Variants in ARHGEF10 observed in about 807,000 individuals in gnomAD.
ARHGEF10 encodes the protein Rho guanine nucleotide exchange factor (GEF) 10.
In ARHGEF10, 140 loss-of-function variants were observed where a neutral mutation model predicts 147.4. The observed-to-expected ratio is 0.95, with a 90% CI of 0.83 to 1.09. ARHGEF10 has a LOEUF of 1.09. ARHGEF10 is among the 50% of genes least tolerant of loss of function. The pLI is 0.00. For synonymous variants in ARHGEF10, 902 were observed against 695.8 expected (o/e 1.30, Z -4.67); for missense variants, 2,222 against 1,752.7 (o/e 1.27, Z -4.78).
chr8:1,884,309 T>A (rs906752575), intron 10 of ARHGEF10, among the ~76,000 whole-genome samples: 22 of 150,322 alleles, frequency 1.5e-4, no homozygotes, highest in African/African-American at 5.2e-4. Context: ...GGCAGGAGAA[T>A]GGCGTGAACC....
intron 22 of ARHGEF10, among the ~76,000 whole-genome samples, chr8:1,925,882 A>G (rs1352742600): frequency 6.6e-6 from 1 of 152,220 alleles, no homozygotes; most frequent in Non-Finnish European, 1.5e-5. Context: ...CAGGGCCTTC[A>G]GTGACACTGA....
In ARHGEF10 at chr8:1,958,389, G is replaced by A. The variant is rs1011007826; in HGVS notation, c.*1126G>A. 3.9e-5 allele frequency: 6 copies of A among 152,160 alleles called. No individual in the cohort carries two copies. The highest frequency in any genetic ancestry group is 2.0e-4 in the Admixed American group (3 of 15,274). The allele number at this position is 152,160 out of a possible 1,614,324, so 9.4% of individuals were successfully genotyped here. ...ATGTCAAGGTGCATACTTAGTGAGC[G>A]CCATCCTGCTGAACGTGTATTTCAG... On this transcript the variant is annotated 3_prime_UTR_variant, in exon 29 of 29. Coordinates refer to ENST00000349830, the MANE Select transcript of ARHGEF10 (RefSeq NM_014629.4).
At chr8:1,889,054 C>T (rs1809118291) in intron 11 of ARHGEF10, among the ~76,000 whole-genome samples, 1 of 68,558 alleles carries the variant, frequency 1.5e-5, no homozygotes, top group African/African-American at 7.9e-5. Context: ...GGGTGCGGGT[C>T]ATGAGGAGAC....
At chr8:1,875,313 G>C (rs1807599650) in intron 7 of ARHGEF10, among the ~76,000 whole-genome samples, 2 of 152,024 alleles carry the variant, frequency 1.3e-5, no homozygotes, top group Admixed American at 6.6e-5. Flanking sequence ...ACACTGGGGA[G>C]CGTAGGGGTG....
chr8:1,837,328 A>G (rs1247819410), intron 1 of ARHGEF10, among the ~76,000 whole-genome samples: 1 of 152,232 alleles, frequency 6.6e-6, no homozygotes, highest in Non-Finnish European at 1.5e-5. Flanking sequence ...GGCAGACGCC[A>G]TGGTCGGTGC....
chr8:1,893,839 A>G (rs1809748304), intron 12 of ARHGEF10, among the ~76,000 whole-genome samples, 193 bp downstream of exon 12: 1 of 152,198 alleles, frequency 6.6e-6, no homozygotes, highest in African/African-American at 2.4e-5. Context: ...AAATAAATAT[A>G]ATTTATGTAA....
At chr8:1,828,098 C>T (rs1248741519) in intron 1 of ARHGEF10, among the ~76,000 whole-genome samples, 1 of 152,214 alleles carries the variant, frequency 6.6e-6, no homozygotes, top group African/African-American at 2.4e-5. Context: ...GGTACCTCAA[C>T]ACTCTGCCTC....
At chr8:1,922,877 G>A (rs935927092) in intron 18 of ARHGEF10, 87 bp from the exon 19 acceptor site, 2 of 902,258 alleles carry the variant, frequency 2.2e-6, no homozygotes, top group East Asian at 4.9e-5. Flanking sequence ...AAATTATTTA[G>A]TATTTGAGTC....
At chr8:1,839,059 T>C (rs1386978662) in intron 1 of ARHGEF10, among the ~76,000 whole-genome samples, 2 of 151,740 alleles carry the variant, frequency 1.3e-5, no homozygotes, top group East Asian at 3.9e-4. Flanking sequence ...GTGGAAGCTG[T>C]CCGATATGGG....
At position 1,952,707 on chromosome 8, in the gene ARHGEF10, C is replaced by T. The variant is rs1026198444; in HGVS notation, c.3400C>T (p.His1134Tyr). ...ATPVHNMLPG[H>Y]QRLSVTSLLV... ...GCCACTCATGTCTTTCCGCCCAGGG[C>T]ACCAGCGGCTGTCGGTGACGAGCCT... Residue 1134 changes from histidine to tyrosine, a missense_variant and splice_region_variant, in exon 28 of 29, where the codon CAC (histidine) becomes TAC (tyrosine). Transcript: ENST00000349830. 25 of 1,613,256 alleles carry T rather than the reference C, an allele frequency of 1.5e-5. No homozygotes were observed. Among genetic ancestry groups the T allele is most frequent in the Non-Finnish European group, 2.0e-5 (24 of 1,179,906 alleles).
intron 2 of ARHGEF10, among the ~76,000 whole-genome samples, chr8:1,855,155 T>C (rs1210502759): frequency 1.3e-5 from 2 of 152,204 alleles, no homozygotes; most frequent in Non-Finnish European, 2.9e-5. Flanking sequence ...CCCTTGCAGA[T>C]ATTTGAGAGC....
intron 14 of ARHGEF10, 41 bp downstream of exon 14, chr8:1,896,490 G>C (rs748666834): frequency 1.5e-6 from 2 of 1,361,250 alleles, no homozygotes; most frequent in Non-Finnish European, 2.1e-6. Flanking sequence ...AACACCATCT[G>C]ATAACAAGTT....
chr8:1,935,234 C>A (rs1813485216), intron 26 of ARHGEF10, among the ~76,000 whole-genome samples: 1 of 152,108 alleles, frequency 6.6e-6, no homozygotes, highest in Non-Finnish European at 1.5e-5. Context: ...CCCCATCAGC[C>A]CCGTCCTGGA....
intron 16 of ARHGEF10, among the ~76,000 whole-genome samples, chr8:1,904,595 A>G (rs1340769553): frequency 6.6e-6 from 1 of 152,038 alleles, no homozygotes; most frequent in African/African-American, 2.4e-5. Context: ...TGGCACTTGA[A>G]CCTCCGAATA....
intron 14 of ARHGEF10, 113 bp from the exon 15 acceptor site, chr8:1,898,320 G>C: frequency 2.2e-6 from 2 of 898,348 alleles, no homozygotes; most frequent in Non-Finnish European, 3.6e-6. Flanking sequence ...TGAAGACAAG[G>C]TGCAGGCTTT....
Position 1,896,453 on chromosome 8 carries a change from A to G in ARHGEF10, c.1557+4A>G. The G allele has an allele frequency of 6.2e-7, 1 of 1,604,330 alleles. No homozygotes were observed. The highest frequency in any genetic ancestry group is 8.5e-7 in the Non-Finnish European group (1 of 1,173,474). On this transcript the variant is annotated splice_donor_region_variant and intron_variant, in intron 14 of 28. Transcript: ENST00000349830. ...CGCTTTTCTTGAATTTTTAAAGGTA[A>G]GCGCTTTTTTTTTTCATTTGGGTTT...
At chr8:1,890,866 G>A (rs1233282465) in intron 11 of ARHGEF10, among the ~76,000 whole-genome samples, 3 of 152,108 alleles carry the variant, frequency 2.0e-5, no homozygotes, top group Admixed American at 1.3e-4. Context: ...TGGTGGATTT[G>A]CTCAGCGAAT....
intron 1 of ARHGEF10, among the ~76,000 whole-genome samples, chr8:1,841,054 A>C (rs111885160): frequency 1.3e-5 from 2 of 152,144 alleles, no homozygotes; most frequent in African/African-American, 4.8e-5. Context: ...GGGCAAGGAC[A>C]TGCCGTCGGG....
At chr8:1,853,126 ACGGGCTG>A (rs1805273373) in intron 2 of ARHGEF10, among the ~76,000 whole-genome samples, 1 of 152,198 alleles carries the variant, frequency 6.6e-6, no homozygotes, top group Admixed American at 6.5e-5. Flanking sequence ...GTGGGTCGGC[ACGGGCTG>A]CACTGCCGTC....
Sources: gnomAD v4.1 joint callset for allele counts (sites outside exome capture counted in the v4.1 genomes callset) on GRCh38, gnomAD v4.1.1 for gene constraint, MANE v1.5 for transcripts, NCBI Gene and HGNC (gene_info 2026-07-23, HGNC 2026-07-21) for gene names.